CDC42BPA: variants seen among roughly 807,000 people sequenced by gnomAD.
CDC42BPA encodes the protein serine/threonine-protein kinase MRCK alpha.
A neutral mutation model predicts 223.5 loss-of-function variants in CDC42BPA; 80 were observed. The observed-to-expected ratio is 0.36, with a 90% CI of 0.30 to 0.43. The LOEUF is 0.43. Among genes scored for constraint, CDC42BPA ranks in the 20% least tolerant of loss-of-function variants. The pLI is 1.00. For synonymous variants in CDC42BPA, 694 were observed against 718.6 expected (o/e 0.97, Z 0.55); for missense variants, 1,743 against 2,099.9 (o/e 0.83, Z 3.32).
intron 2 of CDC42BPA, among the ~76,000 whole-genome samples, chr1:227,217,550 G>A (rs2670453): frequency 0.31 from 47,507 of 151,848 alleles, 7,625 homozygotes; most frequent in East Asian, 0.37. Context: ...CCTCAACACT[G>A]AAGCCACAGT....
At position 227,114,455 on chromosome 1, in the gene CDC42BPA, GA is replaced by G. The variant is rs34688481; in HGVS notation, c.1648-1543del. Reference sequence around the variant, plus strand: ...AGGAACCAGTAAAGCTTTATTTCAGGAAAAAAAAAAAAAAGATTTTAGAGAT... The same window carrying G: ...AGGAACCAGTAAAGCTTTATTTCAGGAAAAAAAAAAAAAGATTTTAGAGAT... On this transcript the variant is annotated intron_variant, in intron 12 of 36. Coordinates refer to ENST00000366766, the MANE Select transcript of CDC42BPA (RefSeq NM_001394014.1). Among the ~76,000 whole-genome samples the G allele has an allele frequency of 5.4e-3, 720 of 133,462 alleles. 2 individuals carry two copies. Among genetic ancestry groups the G allele is most frequent in the African/African-American group, 0.013 (471 of 35,774 alleles). 87.6% of individuals were successfully genotyped at this position (133,462 alleles called of 152,430 possible).
chr1:227,100,971 A>G, intron 15 of CDC42BPA, 21 bp downstream of exon 15: 2 of 1,365,322 alleles, frequency 1.5e-6, no homozygotes, highest in South Asian at 2.5e-5. Flanking sequence ...TTTACTGTAT[A>G]GTAAATAATG....
At chr1:227,311,129 G>A (rs373955582) in intron 1 of CDC42BPA, among the ~76,000 whole-genome samples, 19 of 152,186 alleles carry the variant, frequency 1.2e-4, no homozygotes, top group African/African-American at 3.4e-4. Flanking sequence ...CAAGGCAGGC[G>A]GATCACTTGA....
At chr1:227,016,762 T>G (rs1666355982) in intron 33 of CDC42BPA, among the ~76,000 whole-genome samples, 165 bp downstream of exon 33, 1 of 152,220 alleles carries the variant, frequency 6.6e-6, no homozygotes, top group African/African-American at 2.4e-5. Flanking sequence ...GAATATTAAT[T>G]AAAATGACAC....
In CDC42BPA at chr1:226,996,599, G is replaced by A. The variant is rs566850575; in HGVS notation, c.4976-1619C>T. ...CCCATTCGGTATGATATTGGCTGTG[G>A]GTTTGTCATAAATAGCTATTATTTT... is the stretch of plus-strand genomic sequence containing the variant. On this transcript the variant is annotated intron_variant, in intron 35 of 36. Coordinates refer to ENST00000366766, the MANE Select transcript of CDC42BPA (RefSeq NM_001394014.1). Among the ~76,000 whole-genome samples the A allele has an allele frequency of 7.9e-5, 12 of 152,230 alleles. No homozygotes were observed. In the East Asian group the frequency reaches 2.3e-3, roughly 29 times the overall value.
At position 227,029,131 on chromosome 1, in the gene CDC42BPA, A is replaced by G. The variant is rs754539454; in HGVS notation, c.3958T>C (p.Leu1320=). 3.1e-6 allele frequency: 5 copies of G among 1,610,524 alleles called. No individual in the cohort carries two copies. Among genetic ancestry groups the G allele is most frequent in the Non-Finnish European group, 4.2e-6 (5 of 1,179,998 alleles). Residue 1320 remains leucine, a synonymous_variant, in exon 30 of 37, where the codon TTG becomes CTG. Coordinates refer to ENST00000366766, the MANE Select transcript of CDC42BPA (RefSeq NM_001394014.1). ...RHVRLFPMSA[L]DGRETDFYKL... ...TAAAAATCGGTCTCTCGCCCATCCA[A>G]TGCTGACATAGGAAAAAGTCGTACA...
chr1:227,026,264 A>T, intron 30 of CDC42BPA, 112 bp from the exon 31 acceptor site: 1 of 611,668 alleles, frequency 1.6e-6, no homozygotes, highest in South Asian at 2.2e-5. Context: ...CCCAAATCCT[A>T]TGGGGCTATC....
At chr1:227,191,345 C>CAAAAAAA (rs71281008) in intron 5 of CDC42BPA, among the ~76,000 whole-genome samples, 5 of 136,208 alleles carry the variant, frequency 3.7e-5, no homozygotes, top group Admixed American at 7.3e-5. Flanking sequence ...AACTCTGTCT[C>CAAAAAAA]AAAAAAAAGA....
intron 6 of CDC42BPA, among the ~76,000 whole-genome samples, chr1:227,150,785 T>C (rs1661590897): frequency 6.6e-6 from 1 of 151,116 alleles, no homozygotes; most frequent in Admixed American, 6.6e-5. Context: ...CATAAATGTA[T>C]TCAACTATAA....
intron 2 of CDC42BPA, among the ~76,000 whole-genome samples, chr1:227,224,801 C>T (rs1676562245): frequency 6.6e-6 from 1 of 152,098 alleles, no homozygotes; most frequent in African/African-American, 2.4e-5. Context: ...GAAATTTATT[C>T]TTAGAAAATC....
At chr1:227,248,958 A>G (rs916221398) in intron 2 of CDC42BPA, among the ~76,000 whole-genome samples, 2 of 152,204 alleles carry the variant, frequency 1.3e-5, no homozygotes, top group Admixed American at 1.3e-4. Context: ...ATGGAATTAC[A>G]AAAGACCCAG....
chr1:227,173,929 A>C (rs1666521395), intron 5 of CDC42BPA, among the ~76,000 whole-genome samples: 1 of 152,156 alleles, frequency 6.6e-6, no homozygotes, highest in South Asian at 2.1e-4. Context: ...GAGTGGTCTA[A>C]CTGGAAGGTT....
intron 1 of CDC42BPA, among the ~76,000 whole-genome samples, chr1:227,272,549 A>C (rs2148478586): frequency 6.6e-6 from 1 of 152,224 alleles, no homozygotes. Flanking sequence ...TATAGTAAGA[A>C]AAAAAAGAAC....
At chr1:227,027,313 T>G (rs1053736227) in intron 30 of CDC42BPA, among the ~76,000 whole-genome samples, 1 of 152,208 alleles carries the variant, frequency 6.6e-6, no homozygotes, top group Non-Finnish European at 1.5e-5. Context: ...TTTTCTGTAA[T>G]GAGCATGGGT....
intron 24 of CDC42BPA, among the ~76,000 whole-genome samples, chr1:227,036,572 G>A (rs1670298376): frequency 6.6e-6 from 1 of 152,088 alleles, no homozygotes; most frequent in Non-Finnish European, 1.5e-5. Flanking sequence ...TGGGACTACA[G>A]GCGCCCGCCA....
Position 227,290,458 on chromosome 1 carries a change from T to C in CDC42BPA, c.178+26547A>G, listed in dbSNP as rs138459849. On this transcript the variant is annotated intron_variant, in intron 1 of 36. Coordinates refer to ENST00000366766, the MANE Select transcript of CDC42BPA (RefSeq NM_001394014.1). ...CTTTACTGTACATTTAAAAAATTTA[T>C]TGAATTGACTTTAAATCTTCTCTTA... is the stretch of plus-strand genomic sequence containing the variant. Among the ~76,000 whole-genome samples the C allele has an allele frequency of 9.2e-3, 1,400 of 152,304 alleles. 8 individuals are homozygous for C. The highest frequency in any genetic ancestry group is 0.016 in the Admixed American group (251 of 15,290).
chr1:227,203,467 T>C (rs893869865), intron 3 of CDC42BPA, among the ~76,000 whole-genome samples: 4 of 152,186 alleles, frequency 2.6e-5, no homozygotes, highest in African/African-American at 9.7e-5. Flanking sequence ...CAAATCATGA[T>C]GCACATATAC....
At chr1:227,157,787 C>A (rs1468637514) in intron 6 of CDC42BPA, among the ~76,000 whole-genome samples, 1 of 151,920 alleles carries the variant, frequency 6.6e-6, no homozygotes, top group Non-Finnish European at 1.5e-5. Context: ...CTGGCTGTTT[C>A]TTCTCCTATC....
chr1:227,091,351 G>C (rs967735156), intron 16 of CDC42BPA, among the ~76,000 whole-genome samples: 1 of 152,176 alleles, frequency 6.6e-6, no homozygotes, highest in African/African-American at 2.4e-5. Flanking sequence ...GGCCCCTCAT[G>C]AATGGTTTAG....
Sources: allele counts gnomAD v4.1 joint callset (sites outside exome capture counted in the v4.1 genomes callset), GRCh38; gene constraint gnomAD v4.1.1; transcripts MANE v1.5; gene names NCBI Gene and HGNC (gene_info 2026-07-23, HGNC 2026-07-21).